Variants in PCDHA3 observed in about 807,000 individuals in gnomAD.
The protein encoded by PCDHA3 is protocadherin alpha-3.
A neutral mutation model predicts 62.2 loss-of-function variants in PCDHA3; 41 were observed. That is an observed-to-expected ratio of 0.66 (90% confidence interval 0.51 to 0.86). The LOEUF (loss-of-function observed/expected upper bound fraction) is 0.86, where lower values mean the gene tolerates loss of function less well. Ranked by LOEUF, PCDHA3 falls within the 40% of genes least tolerant of loss-of-function variation. PCDHA3 has a pLI of 0.00. For missense variants in PCDHA3, 1,304 were observed against 1,241.2 expected (o/e 1.05, Z -0.76); for synonymous variants, 640 against 555.4 (o/e 1.15, Z -2.14).
intron 1 of PCDHA3, among the ~76,000 whole-genome samples, chr5:140,892,032 T>C (rs1329804086): frequency 6.6e-6 from 1 of 152,222 alleles, no homozygotes; most frequent in African/African-American, 2.4e-5. Context: ...TCTAAGATAC[T>C]TTTATTTATT....
At chr5:140,968,125 T>G in intron 1 of PCDHA3, 2 of 1,614,174 alleles carry the variant, frequency 1.2e-6, no homozygotes, top group South Asian at 2.2e-5. Flanking sequence ...CATCCCTGCG[T>G]ACACTGAAGG....
chr5:140,928,228 C>A (rs376517088), intron 1 of PCDHA3: 2 of 1,614,218 alleles, frequency 1.2e-6, no homozygotes, highest in Admixed American at 1.7e-5. Context: ...ACCAAACTTT[C>A]CTCAACCCCA....
At chr5:140,906,083 A>G (rs1554192390) in intron 1 of PCDHA3, among the ~76,000 whole-genome samples, 1 of 152,146 alleles carries the variant, frequency 6.6e-6, no homozygotes, top group Non-Finnish European at 1.5e-5. Context: ...ACCCACCCAG[A>G]CTGAGAGTAA....
chr5:140,861,729 C>T (rs947423551), intron 1 of PCDHA3: 5 of 192,220 alleles, frequency 2.6e-5, no homozygotes, highest in Non-Finnish European at 5.3e-5. Context: ...GCTCTGATGA[C>T]TTACATACTG....
chr5:140,874,334 C>A (rs2153310267), intron 1 of PCDHA3, among the ~76,000 whole-genome samples: 1 of 152,166 alleles, frequency 6.6e-6, no homozygotes, highest in South Asian at 2.1e-4. Context: ...CTGTTTTTTT[C>A]TCTTAAAGCT....
chr5:140,806,923 A>T, intron 1 of PCDHA3: 1 of 511,650 alleles, frequency 2.0e-6, no homozygotes, highest in Non-Finnish European at 3.4e-6. Context: ...TAATAAATAA[A>T]ACCAAGTAGT....
chr5:140,819,116 C>T (rs1487263902), intron 1 of PCDHA3, among the ~76,000 whole-genome samples: 5 of 152,140 alleles, frequency 3.3e-5, no homozygotes, highest in African/African-American at 1.2e-4. Context: ...GGTATCCTTT[C>T]TTACTATCCT....
chr5:140,847,580 C>G (rs1350641732), intron 1 of PCDHA3: 2 of 149,008 alleles, frequency 1.3e-5, no homozygotes, highest in African/African-American at 4.9e-5. Flanking sequence ...TAAGGATGAG[C>G]AATAATGAAA....
intron 1 of PCDHA3, among the ~76,000 whole-genome samples, chr5:140,887,968 T>C (rs1434403033): frequency 6.6e-6 from 1 of 152,242 alleles, no homozygotes; most frequent in Non-Finnish European, 1.5e-5. Context: ...TTTGTCTCTT[T>C]TAAAATTTAT....
At chr5:140,824,747 A>C (rs1768347679) in intron 1 of PCDHA3, 1 of 151,386 alleles carries the variant, frequency 6.6e-6, no homozygotes, top group South Asian at 2.1e-4. Flanking sequence ...GGATTGAGCA[A>C]GAGTGCCTGG....
intron 1 of PCDHA3, chr5:140,842,895 A>C: frequency 6.3e-7 from 1 of 1,594,156 alleles, no homozygotes; most frequent in East Asian, 2.2e-5. Flanking sequence ...CCGCTGGACC[A>C]CGAGGAGCTA....
chr5:140,882,927 C>A, intron 1 of PCDHA3: 1 of 1,614,104 alleles, frequency 6.2e-7, no homozygotes. Context: ...GGAGGTAAAC[C>A]CGAGCTGACT....
chr5:140,899,675 C>T lies in PCDHA3; in HGVS notation c.2395-79274C>T, dbSNP rs569711192. On this transcript the variant is annotated intron_variant, in intron 1 of 3. Coordinates refer to ENST00000522353, the MANE Select transcript of PCDHA3 (RefSeq NM_018906.3). The stretch of plus-strand genomic sequence containing the variant: ...TTGTGTCTCTGCCCGGCTTTGGTAT[C>T]AGGATGATGCTGGCCTCATAAAATG... Among the ~76,000 whole-genome samples the T allele has an allele frequency of 4.6e-3, 702 of 152,296 alleles. 3 individuals are homozygous for T. The highest frequency in any genetic ancestry group is 0.016 in the African/African-American group (679 of 41,556).
chr5:140,858,571 C>A lies in PCDHA3; in HGVS notation c.2394+54980C>A, dbSNP rs377514565. On this transcript the variant is annotated intron_variant, in intron 1 of 3. Transcript: ENST00000522353. ...TATGCTTGAATATTTCTAGTGATAC[C>A]TTTGTAATATAATTTATTCCAGGAG... 1.0e-4 allele frequency: 142 copies of A among 1,362,202 alleles called. 6 individuals carry two copies. The highest frequency in any genetic ancestry group is 1.4e-4 in the Non-Finnish European group (135 of 988,482). The allele number at this position is 1,362,202 out of a possible 1,614,324, so 84.4% of individuals were successfully genotyped here. A position where few individuals can be genotyped will look rare whatever the true frequency, so the allele number is the denominator to read the frequency against.
intron 1 of PCDHA3, chr5:140,866,148 ATAAG>A (rs1375745548): frequency 1.4e-4 from 21 of 152,178 alleles, no homozygotes; most frequent in Admixed American, 1.3e-4. Context: ...TGGAAGTGAT[ATAAG>A]TAAGAATCGT....
intron 1 of PCDHA3, chr5:140,850,741 C>G: frequency 6.3e-7 from 1 of 1,597,822 alleles, no homozygotes. Flanking sequence ...GGGAGTTGGT[C>G]GTACTCGCAG....
intron 1 of PCDHA3, chr5:140,882,816 A>G (rs2059323174): frequency 1.9e-6 from 3 of 1,614,266 alleles, no homozygotes; most frequent in Non-Finnish European, 1.7e-6. Flanking sequence ...TTGGACGCAC[A>G]AAACAGTCTT....
chr5:140,928,698 G>A, intron 1 of PCDHA3: 1 of 1,614,148 alleles, frequency 6.2e-7, no homozygotes, highest in East Asian at 2.2e-5. Context: ...ACATCTCCCG[G>A]GCGTCTGACT....
At chr5:140,924,911 TAAAATA>T (rs1563069196) in intron 1 of PCDHA3, among the ~76,000 whole-genome samples, 7 of 59,704 alleles carry the variant, frequency 1.2e-4, no homozygotes, top group Non-Finnish European at 2.5e-4. Flanking sequence ...AAAAATAAAA[TAAAATA>T]AAATAAAATA....
Sources: allele counts gnomAD v4.1 joint callset (sites outside exome capture counted in the v4.1 genomes callset), GRCh38; gene constraint gnomAD v4.1.1; transcripts MANE v1.5; gene names NCBI Gene and HGNC (gene_info 2026-07-23, HGNC 2026-07-21).